CPQ: variants seen among roughly 807,000 people sequenced by gnomAD.
CPQ encodes the protein Ser-Met dipeptidase.
CPQ carries 37 observed loss-of-function variants against 45.7 expected under a neutral mutation model. That is an observed-to-expected ratio of 0.81 (90% confidence interval 0.62 to 1.07). The LOEUF is 1.07. Ranked by LOEUF, CPQ falls within the 50% of genes least tolerant of loss-of-function variation. CPQ has a pLI of 0.00. For synonymous variants in CPQ, 186 were observed against 205.8 expected, an observed-to-expected ratio of 0.90 and a Z score of 0.82; for missense variants, 537 against 572.9, an observed-to-expected ratio of 0.94 and a Z score of 0.64.
At chr8:97,131,813 G>A (rs1811963445) in intron 7 of CPQ, among the ~76,000 whole-genome samples, 1 of 152,160 alleles carries the variant, frequency 6.6e-6, no homozygotes, top group Non-Finnish European at 1.5e-5. Flanking sequence ...TCTTGTAACT[G>A]GAAGGACCCT....
chr8:96,824,632 A>C (rs2130840297), intron 2 of CPQ, among the ~76,000 whole-genome samples: 1 of 152,176 alleles, frequency 6.6e-6, no homozygotes, highest in East Asian at 1.9e-4. Context: ...CAAATGGTCC[A>C]CATGGATCCT....
chr8:96,852,128 A>T (rs547857832), intron 3 of CPQ, among the ~76,000 whole-genome samples: 1 of 152,358 alleles, frequency 6.6e-6, no homozygotes, highest in South Asian at 2.1e-4. Context: ...AGGAAAAAGC[A>T]GATCTGCAGA....
chr8:96,931,768 A>G (rs1474560911), intron 4 of CPQ, among the ~76,000 whole-genome samples: 1 of 152,186 alleles, frequency 6.6e-6, no homozygotes, highest in East Asian at 1.9e-4. Context: ...AAAGAGTTCT[A>G]TGAGAATAAT....
chr8:96,884,057 AC>A (rs1812267600), intron 4 of CPQ, among the ~76,000 whole-genome samples: 1 of 151,876 alleles, frequency 6.6e-6, no homozygotes, highest in Non-Finnish European at 1.5e-5. Context: ...GGCACATTGA[AC>A]CTCATCCCTG....
rs558463593 is a variant in CPQ at position 97,114,027 on chromosome 8, G to A, written c.1256-28993G>A. Among the ~76,000 whole-genome samples the A allele has an allele frequency of 2.0e-5, 3 of 152,322 alleles. No individual in the cohort carries two copies. The South Asian group carries it at 6.2e-4, about 32-fold the overall frequency. Reference sequence around the variant, plus strand: ...AGAGCCATCCCTCTGGATTTCAGATGAGATTTCCCTATTAAGGAGGGATGC... The same window carrying A: ...AGAGCCATCCCTCTGGATTTCAGATAAGATTTCCCTATTAAGGAGGGATGC... On this transcript the variant is annotated intron_variant, in intron 7 of 7. Coordinates refer to ENST00000220763, the MANE Select transcript of CPQ (RefSeq NM_016134.4).
chr8:96,717,215 T>A (rs1809694402), intron 1 of CPQ, among the ~76,000 whole-genome samples: 1 of 151,582 alleles, frequency 6.6e-6, no homozygotes, highest in African/African-American at 2.4e-5. Flanking sequence ...TTTCATATAA[T>A]GACTTCTTTT....
chr8:96,944,975 C>T (rs924267663), intron 4 of CPQ, among the ~76,000 whole-genome samples: 1 of 152,170 alleles, frequency 6.6e-6, no homozygotes, highest in Non-Finnish European at 1.5e-5. Flanking sequence ...ACTTTACACC[C>T]CAGCGCTCAT....
chr8:97,022,596 G>C (rs1030770143), intron 5 of CPQ, among the ~76,000 whole-genome samples: 15 of 151,972 alleles, frequency 9.9e-5, no homozygotes, highest in African/African-American at 3.6e-4. Flanking sequence ...CTCAAAAGAA[G>C]ATATACAAAT....
chr8:97,088,683 T>C (rs1442361936), intron 7 of CPQ, among the ~76,000 whole-genome samples: 1 of 152,212 alleles, frequency 6.6e-6, no homozygotes, highest in Non-Finnish European at 1.5e-5. Flanking sequence ...ACTCTCTGTG[T>C]TGTCTTTATT....
chr8:96,960,423 C>G (rs1813438489), intron 4 of CPQ, among the ~76,000 whole-genome samples: 1 of 152,180 alleles, frequency 6.6e-6, no homozygotes, highest in Non-Finnish European at 1.5e-5. Flanking sequence ...GTTGAACTCA[C>G]TTGTAAAACT....
chr8:97,006,954 A>T (rs1028085309), intron 5 of CPQ, among the ~76,000 whole-genome samples: 2 of 152,226 alleles, frequency 1.3e-5, no homozygotes, highest in Admixed American at 1.3e-4. Context: ...CAACCCAAGT[A>T]TATTAGGAAA....
intron 1 of CPQ, among the ~76,000 whole-genome samples, chr8:96,731,971 T>C (rs1029427838): frequency 6.6e-6 from 1 of 152,202 alleles, no homozygotes; most frequent in Non-Finnish European, 1.5e-5. Flanking sequence ...TTAATTTAAC[T>C]TCCTCCTCTT....
intron 5 of CPQ, among the ~76,000 whole-genome samples, chr8:97,013,190 G>T (rs977670314): frequency 6.6e-6 from 1 of 152,088 alleles, no homozygotes; most frequent in African/African-American, 2.4e-5. Flanking sequence ...TGAGGCAGGA[G>T]AATCGCTTGA....
intron 1 of CPQ, among the ~76,000 whole-genome samples, chr8:96,729,911 G>A (rs1470348861): frequency 6.6e-6 from 1 of 152,130 alleles, no homozygotes; most frequent in Non-Finnish European, 1.5e-5. Flanking sequence ...AAGCCAGTTG[G>A]TCTGTACAAT....
At chr8:96,740,154 G>A (rs1810063581) in intron 1 of CPQ, among the ~76,000 whole-genome samples, 2 of 151,928 alleles carry the variant, frequency 1.3e-5, no homozygotes, top group African/African-American at 2.4e-5. Context: ...GTGGTTTGTA[G>A]TTCTCCTTGA....
chr8:97,078,804 T>TCC (rs1810897315), intron 7 of CPQ, among the ~76,000 whole-genome samples: 1 of 145,882 alleles, frequency 6.9e-6, no homozygotes, highest in Admixed American at 6.9e-5. Context: ...TCTCTCTCTC[T>TCC]CTCCCTCTCT....
At chr8:97,036,479 G>A (rs1031662812) in intron 6 of CPQ, among the ~76,000 whole-genome samples, 1 of 152,210 alleles carries the variant, frequency 6.6e-6, no homozygotes. Context: ...CATTATAGGA[G>A]TGGAATTTGA....
At chr8:97,087,022 T>C (rs548721641) in intron 7 of CPQ, among the ~76,000 whole-genome samples, 1 of 152,256 alleles carries the variant, frequency 6.6e-6, no homozygotes, top group Non-Finnish European at 1.5e-5. Flanking sequence ...TTAATAAACC[T>C]CATTATTTGA....
intron 4 of CPQ, among the ~76,000 whole-genome samples, chr8:96,898,876 A>G (rs905047527): frequency 6.6e-6 from 1 of 151,854 alleles, no homozygotes; most frequent in Non-Finnish European, 1.5e-5. Flanking sequence ...GTGGTAGTCT[A>G]TAAAGGAACT....
Sources: allele counts gnomAD v4.1 joint callset (sites outside exome capture counted in the v4.1 genomes callset), GRCh38; gene constraint gnomAD v4.1.1; transcripts MANE v1.5; gene names NCBI Gene and HGNC (gene_info 2026-07-23, HGNC 2026-07-21).